TRAPPC9: variants seen among roughly 807,000 people sequenced by gnomAD.
TRAPPC9 encodes trafficking protein particle complex subunit 9, also known as IKK2 binding protein.
In TRAPPC9, 83 loss-of-function variants were observed where a neutral mutation model predicts 124.0. The ratio of observed to expected loss-of-function variants is 0.67; its 90% CI spans 0.56 to 0.80. The LOEUF (loss-of-function observed/expected upper bound fraction) is 0.80. Among genes scored for constraint, TRAPPC9 ranks in the 30% least tolerant of loss-of-function variants. TRAPPC9 has a pLI of 0.00. For synonymous variants in TRAPPC9, 638 were observed against 617.5 expected (o/e 1.03, Z -0.49); for missense variants, 1,302 against 1,508.3 (o/e 0.86, Z 2.27).
intron 21 of TRAPPC9, among the ~76,000 whole-genome samples, chr8:139,828,308 C>G (rs1825770498): frequency 6.6e-6 from 1 of 152,200 alleles, no homozygotes; most frequent in Admixed American, 6.5e-5. Flanking sequence ...GACAGAATAC[C>G]CTCTACTCTG....
intron 18 of TRAPPC9, among the ~76,000 whole-genome samples, chr8:140,009,405 A>C (rs1428179921): frequency 1.3e-5 from 2 of 152,238 alleles, no homozygotes; most frequent in Non-Finnish European, 2.9e-5. Context: ...AAATGATCTA[A>C]ATAAAAAATA....
chr8:140,344,529 G>A (rs1482209781), intron 9 of TRAPPC9, among the ~76,000 whole-genome samples: 1 of 152,236 alleles, frequency 6.6e-6, no homozygotes, highest in Non-Finnish European at 1.5e-5. Context: ...CATCTAGCAA[G>A]GAGGGAGACT....
chr8:139,906,396 C>T (rs957353161), intron 20 of TRAPPC9, among the ~76,000 whole-genome samples: 4 of 152,170 alleles, frequency 2.6e-5, no homozygotes, highest in East Asian at 1.9e-4. Context: ...CAGGGCTGGG[C>T]GCTACTCAGA....
chr8:139,877,871 C>T (rs1176892008), intron 21 of TRAPPC9, among the ~76,000 whole-genome samples: 3 of 152,236 alleles, frequency 2.0e-5, no homozygotes, highest in African/African-American at 4.8e-5. Flanking sequence ...GAAGTCAAGA[C>T]TCACCACGAG....
intron 17 of TRAPPC9, among the ~76,000 whole-genome samples, chr8:140,078,694 G>T (rs1164149729): frequency 6.6e-6 from 1 of 152,078 alleles, no homozygotes; most frequent in African/African-American, 2.4e-5. Flanking sequence ...ATCTTCTGAG[G>T]AGCCCATGCA....
rs1588394963 is a variant in TRAPPC9 at position 140,457,497 on chromosome 8, A to G, written c.-11+142T>C. 5 of 665,744 alleles carry G rather than the reference A, an allele frequency of 7.5e-6. No individual in the cohort carries two copies. In the South Asian group the frequency reaches 3.3e-4, roughly 44 times the overall value. The allele number at this position is 665,744 out of a possible 1,614,324, so 41.2% of individuals were successfully genotyped here. A position where few individuals can be genotyped will look rare whatever the true frequency, so the allele number is the denominator to read the frequency against. On this transcript the variant is annotated intron_variant, in intron 1 of 22. Transcript: ENST00000438773. ...AACCCCGGCCCGGCAGCGGACCCGG[A>G]CAGGTGTGGCGGGCTCCGCCCGGAC...
chr8:140,313,967 C>T (rs1012195568), intron 9 of TRAPPC9, among the ~76,000 whole-genome samples: 1 of 152,156 alleles, frequency 6.6e-6, no homozygotes, highest in African/African-American at 2.4e-5. Context: ...AGGCCCCATC[C>T]ACCTTCTCCT....
intron 8 of TRAPPC9, 59 bp from the exon 9 acceptor site, chr8:140,360,252 T>C: frequency 6.2e-7 from 1 of 1,607,724 alleles, no homozygotes; most frequent in Non-Finnish European, 8.5e-7. Flanking sequence ...GGAAATACGG[T>C]TAATCTAAGT....
At chr8:140,270,472 G>A (rs62527533) in intron 15 of TRAPPC9, among the ~76,000 whole-genome samples, 34,694 of 152,116 alleles carry the variant, frequency 0.23, 4,488 homozygotes, top group African/African-American at 0.35. Context: ...CCTGCTATGT[G>A]CCAGGCCCTG....
intron 17 of TRAPPC9, among the ~76,000 whole-genome samples, chr8:140,077,198 AAAATAT>A (rs1412661416): frequency 5.3e-5 from 8 of 152,154 alleles, no homozygotes; most frequent in Admixed American, 4.6e-4. Context: ...ATATAACCAC[AAAATAT>A]AAATATAATA....
chr8:140,062,228 G>C (rs960692478), intron 17 of TRAPPC9, among the ~76,000 whole-genome samples: 1 of 152,130 alleles, frequency 6.6e-6, no homozygotes, highest in Non-Finnish European at 1.5e-5. Flanking sequence ...GTACACAGCG[G>C]GCTCTCTGCA....
intron 21 of TRAPPC9, among the ~76,000 whole-genome samples, chr8:139,827,758 G>A (rs2130824394): frequency 6.6e-6 from 1 of 152,350 alleles, no homozygotes; most frequent in Non-Finnish European, 1.5e-5. Context: ...ACCTAGGGCA[G>A]GGTGGTTTAC....
intron 19 of TRAPPC9, among the ~76,000 whole-genome samples, chr8:139,925,045 C>T (rs1832725080): frequency 6.6e-6 from 1 of 152,348 alleles, no homozygotes; most frequent in East Asian, 1.9e-4. Context: ...CAACTCACGC[C>T]TCCCACTGCC....
At chr8:140,219,329 G>T (rs1432990676) in intron 17 of TRAPPC9, among the ~76,000 whole-genome samples, 1 of 152,198 alleles carries the variant, frequency 6.6e-6, no homozygotes, top group South Asian at 2.1e-4. Context: ...CAAGACCCTA[G>T]TTCCCCTAAG....
chr8:140,107,017 C>T (rs2060678941), intron 17 of TRAPPC9, among the ~76,000 whole-genome samples: 1 of 152,180 alleles, frequency 6.6e-6, no homozygotes, highest in Admixed American at 6.5e-5. Context: ...AGTCTAAGAA[C>T]CTCCAGACAT....
intron 19 of TRAPPC9, among the ~76,000 whole-genome samples, chr8:139,934,151 A>C (rs909397379): frequency 4.6e-5 from 7 of 152,160 alleles, no homozygotes; most frequent in Non-Finnish European, 8.8e-5. Context: ...ATTCAACAAA[A>C]TGCTTTGTGT....
intron 17 of TRAPPC9, among the ~76,000 whole-genome samples, chr8:140,167,295 T>C (rs2061857655): frequency 6.6e-6 from 1 of 152,292 alleles, no homozygotes; most frequent in Non-Finnish European, 1.5e-5. Context: ...AAAGGATTAA[T>C]GGTTGTGCCA....
At chr8:140,291,332 G>A in intron 11 of TRAPPC9, 1 of 556,564 alleles carries the variant, frequency 1.8e-6, no homozygotes, top group African/African-American at 1.9e-5. Context: ...CATTCATGCT[G>A]GCATCAGTCC....
chr8:140,371,144 G>A lies in TRAPPC9; in HGVS notation c.1171C>T (p.Leu391Phe). Residue 391 changes from leucine (L) to phenylalanine (F), a missense_variant, in exon 8 of 23, where the codon CTC becomes TTC. Transcript: ENST00000438773. ...EEEKIQRYSILSELYELIGFH... is the reference protein window; with the variant it reads ...EEEKIQRYSIFSELYELIGFH... ...CCGATCAGCTCATAGAGCTCGGAGA[G>A]GATGCTGTAGCGCTGAATTTTCTCT... The A allele has an allele frequency of 6.2e-7, 1 of 1,613,956 alleles. No individual in the cohort carries two copies. The highest frequency in any genetic ancestry group is 8.5e-7 in the Non-Finnish European group (1 of 1,179,944).
Sources: allele counts gnomAD v4.1 joint callset (sites outside exome capture counted in the v4.1 genomes callset), GRCh38; gene constraint gnomAD v4.1.1; transcripts MANE v1.5; gene names NCBI Gene and HGNC (gene_info 2026-07-23, HGNC 2026-07-21).